The following CALN1 variants were observed in gnomAD, a reference collection of about 807,000 sequenced individuals.
CALN1 encodes calneuron 1.
CALN1 carries 17 observed loss-of-function variants against 30.6 expected under a neutral mutation model. That is an observed-to-expected ratio of 0.56 (90% CI 0.38 to 0.83). CALN1 has a LOEUF of 0.83. CALN1 is among the 40% of genes least tolerant of loss of function. The pLI is 0.00. For missense variants in CALN1, 291 were observed against 354.9 expected, an observed-to-expected ratio of 0.82 and a Z score of 1.45; for synonymous variants, 156 against 131.4, an observed-to-expected ratio of 1.19 and a Z score of -1.28.
At chr7:72,048,836 T>G (rs1347640235) in intron 4 of CALN1, among the ~76,000 whole-genome samples, 1 of 151,782 alleles carries the variant, frequency 6.6e-6, no homozygotes, top group Non-Finnish European at 1.5e-5. Context: ...AGGGTCTCAC[T>G]GTGTTGCCCA....
chr7:71,812,560 C>T (rs971599081), intron 5 of CALN1, among the ~76,000 whole-genome samples: 6 of 152,164 alleles, frequency 3.9e-5, no homozygotes, highest in African/African-American at 1.4e-4. Context: ...TTAGCTGCAT[C>T]TAACAGAGCA....
intron 4 of CALN1, among the ~76,000 whole-genome samples, chr7:72,059,969 C>T (rs1379727048): frequency 6.6e-6 from 1 of 151,256 alleles, no homozygotes; most frequent in Admixed American, 6.6e-5. Flanking sequence ...TGGAGAAGAC[C>T]TGAATTTAAA....
intron 5 of CALN1, among the ~76,000 whole-genome samples, 162 bp from the exon 6 acceptor site, chr7:71,810,654 C>T (rs1787894559): frequency 6.6e-6 from 1 of 152,110 alleles, no homozygotes; most frequent in African/African-American, 2.4e-5. Flanking sequence ...CAAGTATACT[C>T]ATGAACTTGC....
chr7:71,897,716 A>AAT (rs1294599977), intron 5 of CALN1, among the ~76,000 whole-genome samples: 2 of 151,904 alleles, frequency 1.3e-5, no homozygotes, highest in Non-Finnish European at 2.9e-5. Flanking sequence ...CAGGCCTCAA[A>AAT]ATATTTCTGT....
At chr7:71,997,454 C>T (rs60507282) in intron 5 of CALN1, among the ~76,000 whole-genome samples, 2,015 of 152,180 alleles carry the variant, frequency 0.013, 46 homozygotes, top group African/African-American at 0.043. Flanking sequence ...AAAAATTCAA[C>T]GCTCATCAGA....
At chr7:72,171,627 G>A (rs2129545473) in intron 3 of CALN1, among the ~76,000 whole-genome samples, 1 of 152,118 alleles carries the variant, frequency 6.6e-6, no homozygotes, top group South Asian at 2.1e-4. Flanking sequence ...CAAAAAAGAG[G>A]CCCACATCCA....
chr7:72,170,341 A>G (rs1330948080), intron 3 of CALN1, among the ~76,000 whole-genome samples: 1 of 152,086 alleles, frequency 6.6e-6, no homozygotes, highest in African/African-American at 2.4e-5. Flanking sequence ...TATGGCCTTA[A>G]TAACTCTGAT....
chr7:71,871,518 A>T (rs36068297), intron 5 of CALN1, among the ~76,000 whole-genome samples: 3 of 151,892 alleles, frequency 2.0e-5, no homozygotes, highest in East Asian at 1.9e-4. Context: ...AGGCTGAGTC[A>T]GGAGGATCAC....
chr7:72,410,796 A>C (rs1019127708), intron 1 of CALN1, among the ~76,000 whole-genome samples: 6 of 151,154 alleles, frequency 4.0e-5, no homozygotes, highest in African/African-American at 1.2e-4. Context: ...CTCACGAGCC[A>C]GCACCCTACC....
intron 2 of CALN1, among the ~76,000 whole-genome samples, chr7:72,314,569 CCCA>C (rs1226822086): frequency 4.0e-5 from 6 of 151,192 alleles, no homozygotes; most frequent in Admixed American, 6.6e-5. Context: ...AATACAAGTG[CCCA>C]CCACCACACC....
chr7:72,391,836 T>C (rs1243494114), intron 2 of CALN1, among the ~76,000 whole-genome samples: 1 of 152,148 alleles, frequency 6.6e-6, no homozygotes, highest in African/African-American at 2.4e-5. Flanking sequence ...TCTTTTGCTG[T>C]ATAAATTACC....
chr7:71,982,747 C>T (rs1236835409), intron 5 of CALN1, among the ~76,000 whole-genome samples: 1 of 152,150 alleles, frequency 6.6e-6, no homozygotes, highest in Non-Finnish European at 1.5e-5. Flanking sequence ...TAAAGTCTTC[C>T]TTTCAGTGGA....
intron 3 of CALN1, among the ~76,000 whole-genome samples, chr7:72,236,223 G>A (rs369932241): frequency 4.6e-5 from 7 of 152,044 alleles, no homozygotes; most frequent in African/African-American, 7.2e-5. Context: ...TTCACGCAAC[G>A]TCTCTCACTT....
chr7:72,089,272 A>G (rs1805691615), intron 4 of CALN1, among the ~76,000 whole-genome samples: 1 of 152,132 alleles, frequency 6.6e-6, no homozygotes, highest in African/African-American at 2.4e-5. Flanking sequence ...CTCACAAAAA[A>G]TTTTACGGCC....
chr7:72,046,600 C>A (rs1391728507), intron 4 of CALN1, among the ~76,000 whole-genome samples: 1 of 149,632 alleles, frequency 6.7e-6, no homozygotes, highest in East Asian at 2.0e-4. Context: ...ATCTCAGCTA[C>A]TCAGGAGGCT....
intron 3 of CALN1, among the ~76,000 whole-genome samples, chr7:72,124,602 T>C (rs1808611947): frequency 6.6e-6 from 1 of 152,036 alleles, no homozygotes; most frequent in African/African-American, 2.4e-5. Context: ...CAGTGAGGTA[T>C]GACCCTACCA....
chr7:72,003,212 T>C lies in CALN1; in HGVS notation c.501+20445A>G, dbSNP rs986985767. Among the ~76,000 whole-genome samples the C allele has an allele frequency of 2.6e-5, 4 of 152,348 alleles. No individual in the cohort carries two copies. The South Asian group carries it at 6.2e-4, about 24-fold the overall frequency. ...TAACACAAAAAATCACATTTCTATT[T>C]ACTAACAATAAACATGTTACATTCA... On this transcript the variant is annotated intron_variant, in intron 5 of 6. Transcript: ENST00000395275.
rs1293395878 is a variant in CALN1, at chr7:71,780,771, C to T, written c.*7004G>A. 6.6e-6 allele frequency: 1 copy of T among 151,900 alleles called. No homozygotes were observed. The highest frequency in any genetic ancestry group is 1.5e-5 in the Non-Finnish European group (1 of 68,000). The allele number at this position is 151,900 out of a possible 1,614,324, so 9.4% of individuals were successfully genotyped here. A position where few individuals can be genotyped will look rare whatever the true frequency, so the allele number is the denominator to read the frequency against. On this transcript the variant is annotated 3_prime_UTR_variant, in exon 7 of 7. Transcript: ENST00000395275. ...TCAGTAGCTTTCAGTAAGGCTTTCT[C>T]AAATGGAGAAACAAGCATCTCTTCT...
At chr7:72,306,250 G>A (rs1378103623) in intron 2 of CALN1, among the ~76,000 whole-genome samples, 1 of 152,174 alleles carries the variant, frequency 6.6e-6, no homozygotes, top group African/African-American at 2.4e-5. Context: ...ATGTACATCT[G>A]TAAAGAATCT....
Sources: gnomAD v4.1 joint callset for allele counts (sites outside exome capture counted in the v4.1 genomes callset) on GRCh38, gnomAD v4.1.1 for gene constraint, MANE v1.5 for transcripts, NCBI Gene and HGNC (gene_info 2026-07-23, HGNC 2026-07-21) for gene names.